The following WWOX variants were observed in gnomAD, a reference collection of about 807,000 sequenced individuals.
The protein encoded by WWOX is WW domain containing oxidoreductase, also known as WW domain-containing oxidoreductase.
WWOX carries 69 observed loss-of-function variants against 46.2 expected under a neutral mutation model. That is an observed-to-expected ratio of 1.49 (90% CI 1.23 to 1.82). The LOEUF (loss-of-function observed/expected upper bound fraction) is 1.82. WWOX is among the 40% of genes most tolerant of loss of function. The pLI is 0.00. For missense variants in WWOX, 919 were observed against 542.6 expected (o/e 1.69, Z -6.89); for synonymous variants, 359 against 202.6 (o/e 1.77, Z -6.56).
chr16:78,216,726 C>G (rs140762963), intron 5 of WWOX, among the ~76,000 whole-genome samples: 1 of 151,440 alleles, frequency 6.6e-6, no homozygotes, highest in Non-Finnish European at 1.5e-5. Context: ...GGGTCCTCTC[C>G]CTATTTATTT....
At chr16:79,061,532 C>G (rs1017012970) in intron 8 of WWOX, among the ~76,000 whole-genome samples, 1 of 152,166 alleles carries the variant, frequency 6.6e-6, no homozygotes, top group African/African-American at 2.4e-5. Context: ...TTAGAAGCTG[C>G]TGATTTCTGG....
At chr16:78,367,297 T>A (rs533411719) in intron 5 of WWOX, among the ~76,000 whole-genome samples, 253 of 152,290 alleles carry the variant, frequency 1.7e-3, no homozygotes, top group Non-Finnish European at 3.1e-3. Flanking sequence ...ATAATTTTAA[T>A]GGTCTAAATC....
chr16:79,011,986 T>C (rs1457309818), intron 8 of WWOX, among the ~76,000 whole-genome samples: 3 of 152,134 alleles, frequency 2.0e-5, no homozygotes, highest in Non-Finnish European at 4.4e-5. Context: ...ACTATCTTTT[T>C]CCTCTATTGT....
chr16:78,387,558 G>A (rs572331628), intron 6 of WWOX, among the ~76,000 whole-genome samples: 2 of 152,064 alleles, frequency 1.3e-5, no homozygotes, highest in African/African-American at 4.8e-5. Flanking sequence ...TAACAGAGAA[G>A]GTTGTAGGAG....
chr16:79,211,575 A>C (rs751871098), intron 8 of WWOX, 33 bp from the exon 9 acceptor site: 1 of 1,613,876 alleles, frequency 6.2e-7, no homozygotes, highest in Non-Finnish European at 8.5e-7. Context: ...CTTTTCTTAA[A>C]ATTTTTTTTT....
intron 8 of WWOX, among the ~76,000 whole-genome samples, chr16:78,862,177 C>T (rs1015116631): frequency 6.6e-6 from 1 of 151,674 alleles, no homozygotes. Context: ...TCTATACACA[C>T]CGATGGGTGT....
chr16:78,913,727 T>C (rs1331570798), intron 8 of WWOX, among the ~76,000 whole-genome samples: 1 of 151,592 alleles, frequency 6.6e-6, no homozygotes, highest in Non-Finnish European at 1.5e-5. Context: ...AATGGTGCCA[T>C]CATAGCTCAC....
chr16:78,484,521 C>T (rs940098088), intron 8 of WWOX, among the ~76,000 whole-genome samples: 1 of 152,138 alleles, frequency 6.6e-6, no homozygotes, highest in African/African-American at 2.4e-5. Flanking sequence ...GCATTTATAT[C>T]TGCGTGTTAT....
intron 8 of WWOX, among the ~76,000 whole-genome samples, chr16:78,597,654 T>G (rs191263422): frequency 2.0e-4 from 30 of 152,246 alleles, no homozygotes; most frequent in African/African-American, 6.7e-4. Context: ...CTTGCTTTTA[T>G]GCTTTCCAAA....
At chr16:78,398,685 G>A (rs1597164762) in intron 6 of WWOX, among the ~76,000 whole-genome samples, 3 of 152,138 alleles carry the variant, frequency 2.0e-5, no homozygotes, top group Admixed American at 2.0e-4. Context: ...GTCTTAGCTT[G>A]TAATATCTGT....
chr16:78,539,557 C>T (rs1429870361), intron 8 of WWOX, among the ~76,000 whole-genome samples: 1 of 152,198 alleles, frequency 6.6e-6, no homozygotes, highest in East Asian at 1.9e-4. Context: ...TTCAGGTCCA[C>T]ATATATTTCA....
At chr16:78,140,459 G>C (rs1317108696) in intron 4 of WWOX, among the ~76,000 whole-genome samples, 1 of 152,174 alleles carries the variant, frequency 6.6e-6, no homozygotes, top group East Asian at 1.9e-4. Flanking sequence ...CTAGAGGCTA[G>C]AAGTCTGAAA....
chr16:78,973,121 C>T (rs1400845741), intron 8 of WWOX, among the ~76,000 whole-genome samples: 1 of 152,220 alleles, frequency 6.6e-6, no homozygotes, highest in Admixed American at 6.5e-5. Context: ...CTCTCATTCC[C>T]TTCCCGTATA....
chr16:78,653,296 T>A (rs749852824), intron 8 of WWOX, among the ~76,000 whole-genome samples: 76 of 152,348 alleles, frequency 5.0e-4, no homozygotes, highest in Non-Finnish European at 9.7e-4. Context: ...CATTTATAAT[T>A]TGGACACTAT....
chr16:78,761,713 T>C (rs2049798852), intron 8 of WWOX, among the ~76,000 whole-genome samples: 2 of 152,204 alleles, frequency 1.3e-5, no homozygotes, highest in South Asian at 4.1e-4. Context: ...CTCTCCTTTG[T>C]GGCACTACAA....
At chr16:78,456,023 C>G (rs995768929) in intron 8 of WWOX, among the ~76,000 whole-genome samples, 3 of 152,174 alleles carry the variant, frequency 2.0e-5, no homozygotes, top group African/African-American at 7.2e-5. Context: ...GCTGATTCTA[C>G]TTTTGTTACT....
At chr16:78,596,619 A>G (rs1238854743) in intron 8 of WWOX, among the ~76,000 whole-genome samples, 2 of 152,188 alleles carry the variant, frequency 1.3e-5, no homozygotes, top group Non-Finnish European at 2.9e-5. Context: ...AGACCTATGG[A>G]ACATGCTGAT....
At chr16:78,928,234 G>T (rs574809607) in intron 8 of WWOX, among the ~76,000 whole-genome samples, 1 of 137,126 alleles carries the variant, frequency 7.3e-6, no homozygotes, top group Non-Finnish European at 1.5e-5. Flanking sequence ...ACGGAGTCTC[G>T]CTCTGTCGCC....
chr16:78,471,660 C>A (rs145997669), intron 8 of WWOX, among the ~76,000 whole-genome samples: 1 of 152,144 alleles, frequency 6.6e-6, no homozygotes, highest in Admixed American at 6.5e-5. Flanking sequence ...GTAATGGCCT[C>A]ATGCTATTTG....
Sources: gnomAD v4.1 joint callset for allele counts (sites outside exome capture counted in the v4.1 genomes callset) on GRCh38, gnomAD v4.1.1 for gene constraint, MANE v1.5 for transcripts, NCBI Gene and HGNC (gene_info 2026-07-23, HGNC 2026-07-21) for gene names.